Variants in BSN observed in about 807,000 individuals in gnomAD.
BSN encodes protein bassoon.
A neutral mutation model predicts 264.8 loss-of-function variants in BSN; 57 were observed. The ratio of observed to expected loss-of-function variants is 0.22; its 90% CI spans 0.17 to 0.27. BSN has a LOEUF of 0.27. Among genes scored for constraint, BSN ranks in the 10% least tolerant of loss-of-function variants. BSN has a pLI of 1.00. For synonymous variants in BSN, 2,059 were observed against 2,137.3 expected (o/e 0.96, Z 1.01); for missense variants, 4,615 against 5,232.5 (o/e 0.88, Z 3.64).
chr3:49,582,248 A>G (rs1468516497), intron 1 of BSN, among the ~76,000 whole-genome samples: 1 of 152,238 alleles, frequency 6.6e-6, no homozygotes, highest in African/African-American at 2.4e-5. Context: ...TTTCTAATCA[A>G]TGGCTTATTG....
In BSN at chr3:49,654,049, C is replaced by T. The variant is rs34730237; in HGVS notation, c.4493C>T (p.Pro1498Leu). ...SPTFSPGKMG[P>L]RATAEFSTQT... ...ACATTCTCCCCTGGCAAGATGGGCC[C>T]AAGGGCCACAGCAGAGTTCTCTACA... Residue 1498 changes from proline (P) to leucine (L), a missense_variant, in exon 5 of 12, where the codon CCA (proline) becomes CTA (leucine). This residue lies in a region of BSN where 3,415 missense variants were observed against 3,866.4 expected (regional missense o/e 0.88). Coordinates refer to ENST00000296452, the MANE Select transcript of BSN (RefSeq NM_003458.4). This position sits in a 1 kb window ranked among gnomAD's most constrained non-coding sequence, Gnocchi z 4.1. The T allele has an allele frequency of 5.1e-4, 828 of 1,613,840 alleles. 6 individuals carry two copies. In the African/African-American group the frequency reaches 9.3e-3, roughly 18 times the overall value.
At position 49,625,016 on chromosome 3, in the gene BSN, A is replaced by C. The variant is rs1559608118; in HGVS notation, c.266A>C (p.Gln89Pro). Reference sequence around the variant, plus strand: ...GACCCCAAGGAACCCCTGGGTAACCAGAGAGCAGCTTCCCCAACTCCGAAG... The same window carrying C: ...GACCCCAAGGAACCCCTGGGTAACCCGAGAGCAGCTTCCCCAACTCCGAAG... ...RLDPKEPLGN[Q>P]RAASPTPKQA... Residue 89 changes from glutamine to proline, a missense_variant, in exon 2 of 12, where the codon CAG (glutamine) becomes CCG (proline). Physicochemically the swap from Gln to Pro is moderately conservative, Grantham distance 76 (BLOSUM62 -1). Transcript: ENST00000296452. This position sits in a 1 kb window ranked among gnomAD's most constrained non-coding sequence, Gnocchi z 4.4. 1 of 1,564,224 alleles carries C rather than the reference A, an allele frequency of 6.4e-7. No individual in the cohort carries two copies. Among genetic ancestry groups the C allele is most frequent in the Non-Finnish European group, 8.6e-7 (1 of 1,159,094 alleles).
intron 1 of BSN, among the ~76,000 whole-genome samples, chr3:49,578,672 C>G (rs1401281707): frequency 6.6e-6 from 1 of 152,082 alleles, no homozygotes; most frequent in Non-Finnish European, 1.5e-5. Flanking sequence ...TCCTAAAGTG[C>G]TGGGATTACA....
At chr3:49,578,849 A>G (rs2051869094) in intron 1 of BSN, among the ~76,000 whole-genome samples, 1 of 152,076 alleles carries the variant, frequency 6.6e-6, no homozygotes, top group East Asian at 1.9e-4. Flanking sequence ...AGATTTGCCT[A>G]TTCTGGACAT....
chr3:49,651,257 T>G lies in BSN; in HGVS notation c.1986+178T>G. ...GAGGTTCTGGCACGCTTGGAGACTG[T>G]GGGTTTTACACTGGTGCTGTGTCTG... On this transcript the variant is annotated intron_variant, in intron 4 of 11. Transcript: ENST00000296452. The surrounding 1 kb of genome is among the most constrained non-coding windows in gnomAD (Gnocchi z 5.4). The G allele has an allele frequency of 1.5e-6, 1 of 680,724 alleles. No homozygotes were observed. Among genetic ancestry groups the G allele is most frequent in the Non-Finnish European group, 2.4e-6 (1 of 419,300 alleles). The allele number at this position is 680,724 out of a possible 1,614,324, so 42.2% of individuals were successfully genotyped here. A position where few individuals can be genotyped will look rare whatever the true frequency, so the allele number is the denominator to read the frequency against.
intron 1 of BSN, among the ~76,000 whole-genome samples, chr3:49,559,356 A>C (rs2051697463): frequency 6.6e-6 from 1 of 152,176 alleles, no homozygotes; most frequent in Non-Finnish European, 1.5e-5. Context: ...CTTATGGCCA[A>C]TTGAGTTTAA....
At chr3:49,606,118 C>CATATATTATATAT (rs1491303831) in intron 1 of BSN, among the ~76,000 whole-genome samples, 13 of 7,728 alleles carry the variant, frequency 1.7e-3, no homozygotes, top group South Asian at 0.011. Flanking sequence ...ATAATATATA[C>CATATATTATATAT]GTATATATTA....
In BSN at chr3:49,656,509, C is replaced by A; in HGVS notation, c.6953C>A (p.Ala2318Asp). 6.3e-7 allele frequency: 1 copy of A among 1,583,830 alleles called. No individual in the cohort carries two copies. Residue 2318 changes from alanine to aspartate, a missense_variant, in exon 5 of 12, where the codon GCC becomes GAC. Physicochemically the swap from Ala to Asp is moderately radical, Grantham distance 126. Coordinates refer to ENST00000296452, the MANE Select transcript of BSN (RefSeq NM_003458.4). ...CCTCTTCCCACAACCACCCCTGCTG[C>A]CATCAAGGAGGCTGCAGGAGCCCCA... is the stretch of plus-strand genomic sequence containing the variant. ...EEPLPTTTPA[A>D]IKEAAGAPAP...
rs537104307 is a variant in BSN, at chr3:49,614,733, C to G, written c.225-10242C>G. The stretch of plus-strand genomic sequence containing the variant: ...AGCCCACTTCCCAGGCGGTCACTAC[C>G]AATTTATTGGGGTTAAAGGAAAGTT... On this transcript the variant is annotated intron_variant, in intron 1 of 11. Coordinates refer to ENST00000296452, the MANE Select transcript of BSN (RefSeq NM_003458.4). Among the ~76,000 whole-genome samples, 3 of 152,298 alleles carry G rather than the reference C, an allele frequency of 2.0e-5. No individual in the cohort carries two copies. The South Asian group carries it at 6.2e-4, about 32-fold the overall frequency.
At chr3:49,663,742 A>C (rs921632455) in intron 7 of BSN, 45 bp from the exon 8 acceptor site, 7 of 1,612,450 alleles carry the variant, frequency 4.3e-6, no homozygotes, top group Non-Finnish European at 5.9e-6. Flanking sequence ...CCTTGGTTCC[A>C]GGCTGGGCAT....
intron 1 of BSN, among the ~76,000 whole-genome samples, chr3:49,592,529 G>A (rs1206239534): frequency 1.3e-5 from 2 of 150,348 alleles, no homozygotes; most frequent in African/African-American, 2.4e-5. Flanking sequence ...TGAGGCGGGC[G>A]GATCACGAGG....
chr3:49,619,982 AC>A (rs200789181), intron 1 of BSN, among the ~76,000 whole-genome samples: 4 of 50,776 alleles, frequency 7.9e-5, no homozygotes, highest in East Asian at 0.018. Context: ...CCCACACAGA[AC>A]TGGCAGTTTA....
intron 1 of BSN, among the ~76,000 whole-genome samples, 190 bp from the exon 2 acceptor site, chr3:49,624,785 C>G (rs2052329999): frequency 6.6e-6 from 1 of 152,048 alleles, no homozygotes; most frequent in Non-Finnish European, 1.5e-5. Context: ...GCCCTGGTGC[C>G]AAGGGTTCAA....
Position 49,657,285 on chromosome 3 carries a change from G to T in BSN, c.7729G>T (p.Val2577Phe), listed in dbSNP as rs375049761. 9 of 1,613,280 alleles carry T rather than the reference G, an allele frequency of 5.6e-6. No individual in the cohort carries two copies. The African/African-American group carries it at 1.2e-4, about 22-fold the overall frequency. The change falls in exon 5 of 12, where the codon GTC becomes TTC. Residue 2577 changes from valine (V) to phenylalanine (F), a missense_variant. By Grantham distance (50) the Val-to-Phe change is conservative. Coordinates refer to ENST00000296452, the MANE Select transcript of BSN (RefSeq NM_003458.4). ...ELESGTEPCV[V>F]RRIADSSVQT... ...AGAGTCTGGGACTGAGCCCTGTGTG[G>T]TCAGGAGGATTGCCGACAGCAGCGT...
chr3:49,573,398 G>A (rs779188207), intron 1 of BSN, among the ~76,000 whole-genome samples: 2 of 152,180 alleles, frequency 1.3e-5, no homozygotes, highest in South Asian at 4.1e-4. Flanking sequence ...AAAGGGACAT[G>A]TTCTGGCAAT....
intron 1 of BSN, among the ~76,000 whole-genome samples, chr3:49,595,770 A>G (rs2052018342): frequency 6.6e-6 from 1 of 151,986 alleles, no homozygotes; most frequent in Non-Finnish European, 1.5e-5. Flanking sequence ...TAGATGTGTC[A>G]TTGGCTTTTA....
At position 49,664,846 on chromosome 3, in the gene BSN, C is replaced by G; in HGVS notation, c.*7C>G. 1 of 1,611,762 alleles carries G rather than the reference C, an allele frequency of 6.2e-7. No individual in the cohort carries two copies. The highest frequency in any genetic ancestry group is 1.7e-5 in the Admixed American group (1 of 59,994). On this transcript the variant is annotated 3_prime_UTR_variant, in exon 10 of 12. Coordinates refer to ENST00000296452, the MANE Select transcript of BSN (RefSeq NM_003458.4). ...ATTTTCCTCATTCTGGTGACCATGC[C>G]CAGCATGGTGAGTACAAGCAGCCTG...
chr3:49,661,904 C>G lies in BSN; in HGVS notation c.10059C>G (p.Ile3353Met). The change falls in exon 6 of 12, where the codon ATC becomes ATG. Residue 3353 changes from isoleucine (I) to methionine (M), a missense_variant. Ile to Met is a conservative substitution (Grantham distance 10). Coordinates refer to ENST00000296452, the MANE Select transcript of BSN (RefSeq NM_003458.4). ...CCAAGAGCCTGGCTCCAGCTGCCAT[C>G]TCCTCAAAGCGCAGCAAGCACCGGA... ...HPSKSLAPAA[I>M]SSKRSKHRKQ... 1.2e-6 allele frequency: 2 copies of G among 1,613,844 alleles called. No homozygotes were observed. The highest frequency in any genetic ancestry group is 1.7e-6 in the Non-Finnish European group (2 of 1,180,046).
chr3:49,622,695 A>ATT (rs2052315209), intron 1 of BSN, among the ~76,000 whole-genome samples: 1 of 152,232 alleles, frequency 6.6e-6, no homozygotes, highest in Non-Finnish European at 1.5e-5. Flanking sequence ...CCAGTCTTAA[A>ATT]TAATTTATGT....
Sources: allele counts gnomAD v4.1 joint callset (sites outside exome capture counted in the v4.1 genomes callset), GRCh38; gene constraint gnomAD v4.1.1; regional missense constraint gnomAD v4.1.1; non-coding constraint Gnocchi (gnomAD v3.1); transcripts MANE v1.5; gene names NCBI Gene and HGNC (gene_info 2026-07-23, HGNC 2026-07-21).